RGS6: variants seen among roughly 807,000 people sequenced by gnomAD.
The protein encoded by RGS6 is regulator of G-protein signaling 6.
In RGS6, 30 loss-of-function variants were observed where a neutral mutation model predicts 78.5. The ratio of observed to expected loss-of-function variants is 0.38; its 90% CI spans 0.29 to 0.52. The LOEUF (loss-of-function observed/expected upper bound fraction) is 0.52. Among genes scored for constraint, RGS6 ranks in the 20% least tolerant of loss-of-function variants. RGS6 has a pLI of 0.85. For missense variants in RGS6, 495 were observed against 609.7 expected, an observed-to-expected ratio of 0.81 and a Z score of 1.98; for synonymous variants, 206 against 206.0, an observed-to-expected ratio of 1.00 and a Z score of 0.00.
chr14:72,436,908 A>G (rs1368980507), intron 3 of RGS6, among the ~76,000 whole-genome samples: 1 of 152,182 alleles, frequency 6.6e-6, no homozygotes, highest in African/African-American at 2.4e-5. Context: ...GTCAGAGTGC[A>G]GAGTTGAAGA....
intron 2 of RGS6, among the ~76,000 whole-genome samples, chr14:72,033,359 G>C (rs901976671): frequency 6.6e-6 from 1 of 151,984 alleles, no homozygotes; most frequent in Non-Finnish European, 1.5e-5. Flanking sequence ...TCAACCTCCC[G>C]AGTAGCTGGG....
chr14:71,993,080 T>C (rs1242099815), intron 2 of RGS6, among the ~76,000 whole-genome samples: 1 of 152,244 alleles, frequency 6.6e-6, no homozygotes, highest in Admixed American at 6.5e-5. Context: ...CAATTGAAGA[T>C]AATTAAATGG....
intron 2 of RGS6, among the ~76,000 whole-genome samples, chr14:72,341,123 A>C (rs555133778): frequency 6.6e-6 from 1 of 152,286 alleles, no homozygotes; most frequent in East Asian, 1.9e-4. Context: ...TAAAGAAAAG[A>C]GGTTTAATTG....
At chr14:71,971,624 A>G (rs1438410225) in intron 2 of RGS6, among the ~76,000 whole-genome samples, 2 of 152,144 alleles carry the variant, frequency 1.3e-5, no homozygotes, top group African/African-American at 4.8e-5. Flanking sequence ...TTATGTCACA[A>G]TTTCTATGGG....
chr14:72,173,541 C>T (rs923833357), intron 2 of RGS6, among the ~76,000 whole-genome samples: 10 of 152,146 alleles, frequency 6.6e-5, no homozygotes, highest in Admixed American at 4.6e-4. Flanking sequence ...CAATAAAATG[C>T]GCGTTCAGGG....
intron 2 of RGS6, among the ~76,000 whole-genome samples, chr14:71,972,720 G>C (rs2093886322): frequency 6.6e-6 from 1 of 152,108 alleles, no homozygotes; most frequent in Non-Finnish European, 1.5e-5. Flanking sequence ...GATTGAACAG[G>C]AATCCAGGTG....
At chr14:72,260,989 G>T (rs531929198) in intron 2 of RGS6, among the ~76,000 whole-genome samples, 7 of 152,132 alleles carry the variant, frequency 4.6e-5, no homozygotes, top group African/African-American at 1.7e-4. Flanking sequence ...TGGCCTTTTG[G>T]GTTGAGGCAA....
chr14:71,961,879 A>C (rs2093227026), intron 1 of RGS6, among the ~76,000 whole-genome samples: 1 of 152,192 alleles, frequency 6.6e-6, no homozygotes, highest in East Asian at 1.9e-4. Context: ...ACCCATTTCT[A>C]TTGTACTCCA....
At chr14:72,521,343 C>T (rs2097036239) in intron 15 of RGS6, among the ~76,000 whole-genome samples, 1 of 152,176 alleles carries the variant, frequency 6.6e-6, no homozygotes, top group African/African-American at 2.4e-5. Context: ...GCATAGTATT[C>T]CGTTGTGTGG....
At chr14:72,352,341 C>G in intron 3 of RGS6, 147 bp downstream of exon 3, 1 of 575,472 alleles carries the variant, frequency 1.7e-6, no homozygotes, top group Middle Eastern at 3.4e-4. Context: ...CCATCCTAGT[C>G]TTAGTTTCCA....
chr14:71,874,686 A>G, the RGS6 span, among the ~76,000 whole-genome samples: 3 of 152,184 alleles, frequency 2.0e-5, no homozygotes, highest in Non-Finnish European at 2.9e-5. Context: ...TATGTTGAAT[A>G]AGAGTGGTGA....
intron 2 of RGS6, among the ~76,000 whole-genome samples, chr14:72,046,142 C>T (rs552568106): frequency 6.0e-4 from 91 of 152,006 alleles, no homozygotes; most frequent in African/African-American, 2.2e-3. Flanking sequence ...GAGCGTCTCC[C>T]CCATTGCCAA....
At chr14:72,225,238 G>T (rs1381468499) in intron 2 of RGS6, among the ~76,000 whole-genome samples, 1 of 152,150 alleles carries the variant, frequency 6.6e-6, no homozygotes, top group Non-Finnish European at 1.5e-5. Flanking sequence ...CAACCTCAGG[G>T]TTAGTCTTGT....
At chr14:72,215,335 G>A (rs546578837) in intron 2 of RGS6, among the ~76,000 whole-genome samples, 2 of 152,280 alleles carry the variant, frequency 1.3e-5, no homozygotes, top group Non-Finnish European at 2.9e-5. Flanking sequence ...TTTGCTGACG[G>A]GGTAGAGATA....
At chr14:72,203,012 C>A (rs1189259142) in intron 2 of RGS6, among the ~76,000 whole-genome samples, 1 of 151,956 alleles carries the variant, frequency 6.6e-6, no homozygotes, top group Non-Finnish European at 1.5e-5. Flanking sequence ...ATAGCTGAGA[C>A]TACAGGCGCC....
the RGS6 span, among the ~76,000 whole-genome samples, chr14:72,609,104 C>T: frequency 2.0e-5 from 3 of 152,228 alleles, no homozygotes; most frequent in Non-Finnish European, 4.4e-5. Context: ...CGTGGGTAGT[C>T]AACATTGCTA....
chr14:72,188,696 G>T (rs570792039), intron 2 of RGS6, among the ~76,000 whole-genome samples: 3 of 152,038 alleles, frequency 2.0e-5, no homozygotes, highest in African/African-American at 7.2e-5. Flanking sequence ...CCTGTGTTGC[G>T]ACACAGCCTC....
chr14:72,340,206 A>G (rs1195875886), intron 2 of RGS6, among the ~76,000 whole-genome samples: 1 of 152,172 alleles, frequency 6.6e-6, no homozygotes, highest in Non-Finnish European at 1.5e-5. Flanking sequence ...TCTCTACACT[A>G]CAATTTATCT....
At chr14:72,406,294 G>T (rs560699311) in intron 3 of RGS6, among the ~76,000 whole-genome samples, 2 of 152,212 alleles carry the variant, frequency 1.3e-5, no homozygotes, top group East Asian at 3.9e-4. Flanking sequence ...TGAGGCAGGA[G>T]AATTGCTTGA....
Sources: gnomAD v4.1 joint callset for allele counts (sites outside exome capture counted in the v4.1 genomes callset) on GRCh38, gnomAD v4.1.1 for gene constraint, MANE v1.5 for transcripts, NCBI Gene and HGNC (gene_info 2026-07-23, HGNC 2026-07-21) for gene names.